The following SERINC5 variants were observed in gnomAD, a reference collection of about 807,000 sequenced individuals.
SERINC5 encodes the protein chromosome 5 open reading frame 12.
A neutral mutation model predicts 63.1 loss-of-function variants in SERINC5; 41 were observed. That is an observed-to-expected ratio of 0.65 (90% CI 0.51 to 0.84). SERINC5 has a LOEUF of 0.84. Ranked by LOEUF, SERINC5 falls within the 40% of genes least tolerant of loss-of-function variation. The pLI is 0.00. For synonymous variants in SERINC5, 222 were observed against 215.2 expected (o/e 1.03, Z -0.28); for missense variants, 523 against 573.0 (o/e 0.91, Z 0.89).
chr5:80,125,861 G>T (rs962471209), intron 11 of SERINC5, among the ~76,000 whole-genome samples: 5 of 152,158 alleles, frequency 3.3e-5, no homozygotes, highest in African/African-American at 7.2e-5. Flanking sequence ...TGTAAATAAA[G>T]TTATTAGTTG....
intron 2 of SERINC5, among the ~76,000 whole-genome samples, chr5:80,190,900 C>T (rs150302543): frequency 3.3e-5 from 5 of 152,248 alleles, no homozygotes; most frequent in African/African-American, 1.2e-4. Context: ...TGCCCAGCAG[C>T]TGGGGAACTA....
intron 11 of SERINC5, among the ~76,000 whole-genome samples, chr5:80,122,774 A>G (rs1744599719): frequency 6.6e-6 from 1 of 152,266 alleles, no homozygotes; most frequent in Non-Finnish European, 1.5e-5. Context: ...CCACGTGAGA[A>G]GGAATACCTC....
chr5:80,121,031 G>C (rs1744522947), intron 11 of SERINC5, among the ~76,000 whole-genome samples: 1 of 151,960 alleles, frequency 6.6e-6, no homozygotes, highest in Non-Finnish European at 1.5e-5. Flanking sequence ...GGGACTATAG[G>C]CATGTGCCAC....
chr5:80,245,315 C>T (rs1455170403), intron 1 of SERINC5, among the ~76,000 whole-genome samples: 1 of 152,146 alleles, frequency 6.6e-6, no homozygotes. Flanking sequence ...ATCTCTAGAG[C>T]CCATTCAGGA....
At chr5:80,247,553 A>G (rs1752218715) in intron 1 of SERINC5, among the ~76,000 whole-genome samples, 1 of 152,234 alleles carries the variant, frequency 6.6e-6, no homozygotes, top group Non-Finnish European at 1.5e-5. Context: ...GAGCTGCCCA[A>G]GAAAACATAT....
At chr5:80,185,801 T>C (rs1748761842) in intron 2 of SERINC5, among the ~76,000 whole-genome samples, 1 of 152,018 alleles carries the variant, frequency 6.6e-6, no homozygotes, top group Non-Finnish European at 1.5e-5. Flanking sequence ...GGACCGGCCA[T>C]TTACACTTCT....
At chr5:80,201,107 C>G (rs1182318706) in intron 2 of SERINC5, among the ~76,000 whole-genome samples, 1 of 151,794 alleles carries the variant, frequency 6.6e-6, no homozygotes, top group East Asian at 1.9e-4. Context: ...CACCACCCCC[C>G]CACAAAAAAA....
In SERINC5 at chr5:80,139,244, G is replaced by A; in HGVS notation, c.*4419C>T. On this transcript the variant is annotated 3_prime_UTR_variant, in exon 12 of 12. Coordinates refer to ENST00000507668, the MANE Select transcript of SERINC5 (RefSeq NM_001174072.3). ...TAGTTTTCTTTTTGCAAAGTAAAAA[G>A]GCTTAAATCTTTAATAAAGGAAAAC... 9.3e-6 allele frequency: 9 copies of A among 972,362 alleles called. No homozygotes were observed. Among genetic ancestry groups the A allele is most frequent in the Non-Finnish European group, 1.1e-5 (9 of 818,180 alleles). 60.2% of individuals were successfully genotyped at this position (972,362 alleles called of 1,614,324 possible).
chr5:80,209,425 C>G (rs772719736), intron 1 of SERINC5, among the ~76,000 whole-genome samples: 20 of 152,198 alleles, frequency 1.3e-4, no homozygotes, highest in Non-Finnish European at 2.1e-4. Context: ...AAGAAAGTGA[C>G]CCTGCACACA....
rs1745324301 is a variant in SERINC5, at chr5:80,138,734, CCA to C, written c.*4927_*4928del. On this transcript the variant is annotated 3_prime_UTR_variant, in exon 12 of 12. Coordinates refer to ENST00000507668, the MANE Select transcript of SERINC5 (RefSeq NM_001174072.3). ...ATATTTCAAAACATCATGTTGCACA[CCA>C]CAGATATATATCTTTTATTTGTCAA... 3 of 809,292 alleles carry C rather than the reference CCA, an allele frequency of 3.7e-6. No individual in the cohort carries two copies. The highest frequency in any genetic ancestry group is 1.3e-4 in the East Asian group (1 of 7,982). The allele number at this position is 809,292 out of a possible 1,614,324, so 50.1% of individuals were successfully genotyped here.
chr5:80,181,414 T>TTTTGTG (rs1554065020), intron 2 of SERINC5, among the ~76,000 whole-genome samples: 1 of 113,936 alleles, frequency 8.8e-6, no homozygotes, highest in East Asian at 2.2e-4. Context: ...GCTCAGCTAA[T>TTTTGTG]TTTGTGTGTG....
chr5:80,174,359 C>A (rs1050206724), intron 5 of SERINC5, among the ~76,000 whole-genome samples: 2 of 56,230 alleles, frequency 3.6e-5, no homozygotes, highest in African/African-American at 8.4e-5. Flanking sequence ...AAAGTGGGAT[C>A]CCATCTCAAA....
intron 7 of SERINC5, 54 bp downstream of exon 7, chr5:80,166,329 C>A: frequency 1.7e-6 from 2 of 1,169,584 alleles, no homozygotes; most frequent in South Asian, 1.3e-5. Context: ...CTCATTCCTC[C>A]ATGAATGAAA....
At chr5:80,137,139 C>CAA (rs869035894), downstream of SERINC5, among the ~76,000 whole-genome samples, 425 of 67,458 alleles carry the variant, frequency 6.3e-3, 4 homozygotes, top group East Asian at 9.3e-3. Context: ...GACCCTGTCT[C>CAA]AAAAAAAAAA....
Position 80,140,135 on chromosome 5 carries a change from G to T in SERINC5, c.*3528C>A. ...GCTTGAGCTCAGGAGTTTGAGACCA[G>T]CCTGGACAACCCCATCTCTACAAAA... On this transcript the variant is annotated 3_prime_UTR_variant, in exon 12 of 12. Coordinates refer to ENST00000507668, the MANE Select transcript of SERINC5 (RefSeq NM_001174072.3). The T allele has an allele frequency of 1.2e-6, 1 of 816,100 alleles. No individual in the cohort carries two copies. The highest frequency in any genetic ancestry group is 1.5e-6 in the Non-Finnish European group (1 of 675,998). 50.6% of individuals were successfully genotyped at this position (816,100 alleles called of 1,614,324 possible).
intron 2 of SERINC5, among the ~76,000 whole-genome samples, chr5:80,187,038 C>T (rs1363984343): frequency 6.6e-6 from 1 of 151,922 alleles, no homozygotes; most frequent in Admixed American, 6.6e-5. Flanking sequence ...TGGTGGCACA[C>T]GTCTGTAGTC....
At chr5:80,199,637 G>A (rs144556191) in intron 2 of SERINC5, among the ~76,000 whole-genome samples, 8 of 152,268 alleles carry the variant, frequency 5.3e-5, no homozygotes, top group African/African-American at 1.4e-4. Flanking sequence ...TGAAATTCAC[G>A]TCCTAAAACA....
At chr5:80,122,372 T>C (rs1252951453) in intron 11 of SERINC5, among the ~76,000 whole-genome samples, 1 of 152,078 alleles carries the variant, frequency 6.6e-6, no homozygotes, top group African/African-American at 2.4e-5. Context: ...CACATTTTTC[T>C]GCCTGCTTAT....
At chr5:80,253,612 C>A (rs1370359785) in intron 1 of SERINC5, among the ~76,000 whole-genome samples, 1 of 152,194 alleles carries the variant, frequency 6.6e-6, no homozygotes, top group Admixed American at 6.5e-5. Flanking sequence ...CTGACCTCAT[C>A]TAAGACACCC....
Sources: allele counts gnomAD v4.1 joint callset (sites outside exome capture counted in the v4.1 genomes callset), GRCh38; gene constraint gnomAD v4.1.1; transcripts MANE v1.5; gene names NCBI Gene and HGNC (gene_info 2026-07-23, HGNC 2026-07-21).